Variants in TOGARAM2 observed in about 807,000 individuals in gnomAD.
TOGARAM2 encodes the protein TOG array regulator of axonemal microtubules 2.
In TOGARAM2, 85 loss-of-function variants were observed where a neutral mutation model predicts 93.3. That is an observed-to-expected ratio of 0.91 (90% CI 0.76 to 1.09). The LOEUF (loss-of-function observed/expected upper bound fraction) is 1.09, where lower values mean the gene tolerates loss of function less well. Among genes scored for constraint, TOGARAM2 ranks in the 50% least tolerant of loss-of-function variants. The pLI is 0.00. For synonymous variants in TOGARAM2, 593 were observed against 552.8 expected (o/e 1.07, Z -1.02); for missense variants, 1,277 against 1,334.5 (o/e 0.96, Z 0.67).
chr2:29,030,765 T>C (rs916101181), intron 14 of TOGARAM2, among the ~76,000 whole-genome samples: 2 of 152,228 alleles, frequency 1.3e-5, no homozygotes, highest in Admixed American at 6.5e-5. Flanking sequence ...TCCTGGCTTT[T>C]ACTTCTGGTG....
chr2:29,006,803 C>T (rs1663905679), intron 6 of TOGARAM2, among the ~76,000 whole-genome samples: 1 of 152,160 alleles, frequency 6.6e-6, no homozygotes, highest in African/African-American at 2.4e-5. Flanking sequence ...ACCTCCGCCT[C>T]CTCACCATTG....
intron 19 of TOGARAM2, chr2:29,050,717 T>A (rs6734543): frequency 0.095 from 14,438 of 152,278 alleles, 736 homozygotes; most frequent in East Asian, 0.15. Flanking sequence ...GCACTTATCC[T>A]TCGGCTGGAT....
Position 28,994,878 on chromosome 2 carries a change from G to A in TOGARAM2, c.28+16G>A. The A allele has an allele frequency of 6.4e-7, 1 of 1,552,052 alleles. No homozygotes were observed. The highest frequency in any genetic ancestry group is 1.2e-5 in the South Asian group (1 of 84,070). The stretch of plus-strand genomic sequence containing the variant: ...GTCCCCGAAGGTAAGGGGCACCATG[G>A]GAGGCCTGCTGCTGGTGTTTTCCAG... On this transcript the variant is annotated intron_variant, in intron 2 of 19. Coordinates refer to ENST00000379558, the MANE Select transcript of TOGARAM2 (RefSeq NM_199280.4).
At chr2:29,007,363 T>C (rs1663947293) in intron 6 of TOGARAM2, among the ~76,000 whole-genome samples, 1 of 152,132 alleles carries the variant, frequency 6.6e-6, no homozygotes, top group Admixed American at 6.5e-5. Context: ...ACCTCCTCAT[T>C]GCTGTCAAGG....
At position 29,026,938 on chromosome 2, in the gene TOGARAM2, G is replaced by A. The variant is rs1212928401; in HGVS notation, c.1939G>A (p.Gly647Ser). ...GATCGGCGCTGAGAAGCTTCTCTCG[G>A]GCACCAGAGACAGCACAGACATGTT... ...EQIGAEKLLS[G>S]TRDSTDMLVH... Residue 647 changes from glycine (G) to serine (S), a missense_variant, in exon 14 of 20, where the codon GGC becomes AGC. Coordinates refer to ENST00000379558, the MANE Select transcript of TOGARAM2 (RefSeq NM_199280.4). 1 of 1,577,230 alleles carries A rather than the reference G, an allele frequency of 6.3e-7. No individual in the cohort carries two copies. The highest frequency in any genetic ancestry group is 8.6e-7 in the Non-Finnish European group (1 of 1,161,450).
At chr2:28,962,463 C>T (rs1402465642) in intron 1 of TOGARAM2, among the ~76,000 whole-genome samples, 1 of 152,096 alleles carries the variant, frequency 6.6e-6, no homozygotes, top group Non-Finnish European at 1.5e-5. Context: ...CGTGAACCAC[C>T]GTGCCCAGCC....
chr2:29,022,991 C>A, intron 11 of TOGARAM2, 95 bp from the exon 12 acceptor site: 1 of 999,600 alleles, frequency 1.0e-6, no homozygotes, highest in Non-Finnish European at 1.5e-6. Flanking sequence ...TGACGGTGGA[C>A]CGTGATGGTG....
chr2:28,997,460 G>T (rs184922102), intron 2 of TOGARAM2, among the ~76,000 whole-genome samples: 1 of 152,156 alleles, frequency 6.6e-6, no homozygotes, highest in East Asian at 1.9e-4. Context: ...CTTAATCATT[G>T]TGTTCTCCGC....
rs772222478 is a variant in TOGARAM2, at chr2:29,017,227, G to A, written c.1118G>A (p.Arg373Gln). The A allele has an allele frequency of 7.4e-6, 12 of 1,613,796 alleles. No homozygotes were observed. The highest frequency in any genetic ancestry group is 1.6e-4 in the Middle Eastern group (1 of 6,084). Residue 373 changes from arginine (R) to glutamine (Q), a missense_variant, in exon 9 of 20, where the codon CGG (arginine) becomes CAG (glutamine). Arg to Gln is a conservative substitution (Grantham distance 43). Coordinates refer to ENST00000379558, the MANE Select transcript of TOGARAM2 (RefSeq NM_199280.4). ...LKQMKEMELL[R>Q]RLEEPRTGQE... ...CAGATGAAGGAGATGGAGCTGCTTC[G>A]GAGGCTGGAGGAGCCCAGGACAGGG...
chr2:28,990,550 C>T (rs565131118), intron 1 of TOGARAM2, among the ~76,000 whole-genome samples: 7 of 152,358 alleles, frequency 4.6e-5, no homozygotes, highest in South Asian at 2.1e-4. Flanking sequence ...GCCGCCTCCT[C>T]GGCCTGGAAT....
At chr2:28,958,595 G>A (rs1444203140) in intron 1 of TOGARAM2, among the ~76,000 whole-genome samples, 2 of 152,090 alleles carry the variant, frequency 1.3e-5, no homozygotes, top group Non-Finnish European at 2.9e-5. Context: ...AGCCACTACA[G>A]CGGGCTGACA....
In TOGARAM2 at chr2:29,035,641, T is replaced by C. The variant is rs753095543; in HGVS notation, c.2403T>C (p.Thr801=). Residue 801 remains threonine, a synonymous_variant, in exon 17 of 20, where the codon ACT becomes ACC. Transcript: ENST00000379558. ...ELCKAKTELV[T]AHLVQVFDAF... ...GCAAGGCCAAGACGGAGCTTGTCAC[T>C]GCCCACCTGGTCCAGGTGAGCACCG... is the stretch of plus-strand genomic sequence containing the variant. 7.3e-6 allele frequency: 11 copies of C among 1,510,494 alleles called. No homozygotes were observed. The highest frequency in any genetic ancestry group is 1.4e-5 in the South Asian group (1 of 74,068). 93.6% of individuals were successfully genotyped at this position (1,510,494 alleles called of 1,614,324 possible).
chr2:29,034,050 T>G (rs900620934), intron 16 of TOGARAM2, among the ~76,000 whole-genome samples: 1 of 152,062 alleles, frequency 6.6e-6, no homozygotes, highest in African/African-American at 2.4e-5. Flanking sequence ...CGCCTGTGCT[T>G]AAAACTGAAG....
chr2:28,987,674 G>C (rs1227024406), intron 1 of TOGARAM2, among the ~76,000 whole-genome samples: 1 of 152,164 alleles, frequency 6.6e-6, no homozygotes, highest in African/African-American at 2.4e-5. Context: ...TTGTCCCTTT[G>C]TCTGCATTCT....
intron 18 of TOGARAM2, among the ~76,000 whole-genome samples, chr2:29,041,597 G>A (rs1288267391): frequency 6.6e-6 from 1 of 152,204 alleles, no homozygotes; most frequent in Non-Finnish European, 1.5e-5. Flanking sequence ...TGGCCTGGTA[G>A]CCTCAGGGCT....
At chr2:29,035,410 T>C in intron 16 of TOGARAM2, 54 bp from the exon 17 acceptor site, 2 of 1,281,742 alleles carry the variant, frequency 1.6e-6, no homozygotes, top group South Asian at 6.0e-5. Flanking sequence ...CAGAAGTGGG[T>C]TCATTCCCCC....
intron 6 of TOGARAM2, among the ~76,000 whole-genome samples, chr2:29,007,297 C>G (rs930645094): frequency 6.6e-6 from 1 of 152,164 alleles, no homozygotes; most frequent in Non-Finnish European, 1.5e-5. Context: ...GGAGGTTGTG[C>G]CACCATCATG....
intron 3 of TOGARAM2, among the ~76,000 whole-genome samples, chr2:28,998,766 G>T (rs1360684637): frequency 6.6e-6 from 1 of 152,174 alleles, no homozygotes; most frequent in African/African-American, 2.4e-5. Context: ...TCTGCTGGGG[G>T]TGGGGGTGAT....
chr2:28,990,307 C>G (rs554222821), intron 1 of TOGARAM2, among the ~76,000 whole-genome samples: 31 of 152,312 alleles, frequency 2.0e-4, no homozygotes, highest in African/African-American at 7.0e-4. Context: ...GCTCCCCTTC[C>G]TTAGGAAGTC....
Sources: gnomAD v4.1 joint callset for allele counts (sites outside exome capture counted in the v4.1 genomes callset) on GRCh38, gnomAD v4.1.1 for gene constraint, MANE v1.5 for transcripts, NCBI Gene and HGNC (gene_info 2026-07-23, HGNC 2026-07-21) for gene names.